GPBP1L1: variants seen among roughly 807,000 people sequenced by gnomAD.
GPBP1L1 encodes vasculin-like protein 1.
A neutral mutation model predicts 52.5 loss-of-function variants in GPBP1L1; 23 were observed. That is an observed-to-expected ratio of 0.44 (90% CI 0.32 to 0.62). The LOEUF (loss-of-function observed/expected upper bound fraction) is 0.62. Ranked by LOEUF, GPBP1L1 falls within the 20% of genes least tolerant of loss-of-function variation. GPBP1L1 has a pLI of 0.06. For missense variants in GPBP1L1, 596 were observed against 579.3 expected (o/e 1.03, Z -0.30); for synonymous variants, 243 against 203.1 (o/e 1.20, Z -1.67).
intron 6 of GPBP1L1, among the ~76,000 whole-genome samples, chr1:45,644,724 C>T (rs115775244): frequency 0.028 from 4,281 of 152,208 alleles, 204 homozygotes; most frequent in African/African-American, 0.098. Context: ...TGTATTCTTC[C>T]ATTAGGAGAC....
intron 6 of GPBP1L1, among the ~76,000 whole-genome samples, chr1:45,653,776 G>A (rs1207360629): frequency 6.8e-5 from 10 of 146,664 alleles, no homozygotes; most frequent in Non-Finnish European, 1.5e-4. Context: ...TCAGCCCACT[G>A]CAACCTCTGC....
chr1:45,660,413 G>A lies in GPBP1L1; in HGVS notation c.-285C>T, dbSNP rs952145871. 17 of 979,006 alleles carry A rather than the reference G, an allele frequency of 1.7e-5. No homozygotes were observed. The highest frequency in any genetic ancestry group is 2.1e-5 in the Non-Finnish European group (17 of 824,440). The allele number at this position is 979,006 out of a possible 1,614,324, so 60.6% of individuals were successfully genotyped here. On this transcript the variant is annotated 5_prime_UTR_variant, in exon 3 of 13. Transcript: ENST00000355105. ...TCCAAAAGGGGAAAGGGGAAAAGGG[G>A]AAGGGGGGAAGGGGAACATAAAAAG...
rs151178634 is a variant in GPBP1L1, at chr1:45,643,046, G to A, written c.478-547C>T. Reference sequence around the variant, plus strand: ...GTTAAGTACAATAAAAGGTTACAAGGACGATGAAAAAAATTCATATTAGGG... The same window carrying A: ...GTTAAGTACAATAAAAGGTTACAAGAACGATGAAAAAAATTCATATTAGGG... On this transcript the variant is annotated intron_variant, in intron 6 of 12. Transcript: ENST00000355105. 3.9e-3 allele frequency among the ~76,000 whole-genome samples: 600 copies of A among 152,178 alleles called. 7 individuals are homozygous for A. Among genetic ancestry groups the A allele is most frequent in the African/African-American group, 0.013 (551 of 41,532 alleles).
chr1:45,650,535 T>C (rs1157305332), intron 6 of GPBP1L1, among the ~76,000 whole-genome samples: 1 of 152,164 alleles, frequency 6.6e-6, no homozygotes, highest in Non-Finnish European at 1.5e-5. Flanking sequence ...CAGGTAACAA[T>C]ATAGGACTGT....
chr1:45,662,317 C>G (rs956900927), intron 2 of GPBP1L1, among the ~76,000 whole-genome samples: 1 of 152,088 alleles, frequency 6.6e-6, no homozygotes, highest in Non-Finnish European at 1.5e-5. Flanking sequence ...AATTAAAAAA[C>G]ATTTTTTTGT....
intron 2 of GPBP1L1, among the ~76,000 whole-genome samples, chr1:45,667,969 C>T (rs1645030135): frequency 6.6e-6 from 1 of 152,122 alleles, no homozygotes; most frequent in Non-Finnish European, 1.5e-5. Flanking sequence ...CAACTCCTGG[C>T]CTCAAGTGAT....
intron 6 of GPBP1L1, among the ~76,000 whole-genome samples, chr1:45,647,564 G>A (rs1224001070): frequency 6.6e-6 from 1 of 152,192 alleles, no homozygotes; most frequent in East Asian, 1.9e-4. Flanking sequence ...ACTTCTGCCA[G>A]CGGAGAACAA....
At position 45,660,438 on chromosome 1, in the gene GPBP1L1, G is replaced by GT; in HGVS notation, c.-311dup. The GT allele has an allele frequency of 1.0e-6, 1 of 976,950 alleles. No individual in the cohort carries two copies. The highest frequency in any genetic ancestry group is 6.2e-5 in the Admixed American group (1 of 16,062). 60.5% of individuals were successfully genotyped at this position (976,950 alleles called of 1,614,324 possible). A position where few individuals can be genotyped will look rare whatever the true frequency, so the allele number is the denominator to read the frequency against. On this transcript the variant is annotated 5_prime_UTR_variant, in exon 3 of 13. Coordinates refer to ENST00000355105, the MANE Select transcript of GPBP1L1 (RefSeq NM_021639.5). ...GAAGGGGGGAAGGGGAACATAAAAA[G>GT]TATTTGTTACATTTAAAAAGGGGGG...
At chr1:45,672,209 A>G (rs900387141) in intron 2 of GPBP1L1, among the ~76,000 whole-genome samples, 2 of 152,078 alleles carry the variant, frequency 1.3e-5, no homozygotes, top group African/African-American at 4.8e-5. Context: ...AAAAATAAAA[A>G]AATTAGCTGG....
At chr1:45,658,121 A>C (rs761243150) in intron 4 of GPBP1L1, among the ~76,000 whole-genome samples, 13 of 152,158 alleles carry the variant, frequency 8.5e-5, no homozygotes, top group African/African-American at 3.1e-4. Context: ...TAATCTATAT[A>C]AACTGGTAAT....
chr1:45,634,461 C>A (rs1569759194), intron 8 of GPBP1L1: 2 of 396,728 alleles, frequency 5.0e-6, no homozygotes, highest in East Asian at 7.2e-5. Context: ...TAGTGACTTC[C>A]CAAAAACAGG....
intron 6 of GPBP1L1, among the ~76,000 whole-genome samples, chr1:45,648,663 G>A (rs1042427572): frequency 1.3e-5 from 2 of 152,144 alleles, no homozygotes; most frequent in Admixed American, 6.5e-5. Flanking sequence ...TTGCTTTGAC[G>A]TAGATGGCAT....
intron 2 of GPBP1L1, among the ~76,000 whole-genome samples, chr1:45,683,256 A>G (rs1272084274): frequency 9.0e-6 from 1 of 111,188 alleles, no homozygotes; most frequent in Non-Finnish European, 1.6e-5. Flanking sequence ...CTCTGTCCCC[A>G]GGTTGGAGCG....
At chr1:45,657,886 A>G (rs1238611760) in intron 4 of GPBP1L1, among the ~76,000 whole-genome samples, 1 of 152,188 alleles carries the variant, frequency 6.6e-6, no homozygotes, top group Non-Finnish European at 1.5e-5. Flanking sequence ...AACAAAATGA[A>G]GTTTAGAGCA....
intron 2 of GPBP1L1, among the ~76,000 whole-genome samples, chr1:45,680,219 A>G (rs1036307296): frequency 6.6e-6 from 1 of 151,488 alleles, no homozygotes; most frequent in Non-Finnish European, 1.5e-5. Context: ...AGTAGTGACT[A>G]ACAGATTGAG....
At chr1:45,658,316 G>A (rs1327125989) in intron 4 of GPBP1L1, among the ~76,000 whole-genome samples, 1 of 152,100 alleles carries the variant, frequency 6.6e-6, no homozygotes, top group African/African-American at 2.4e-5. Flanking sequence ...CCAAAGGTCT[G>A]TTTACCCAAG....
At chr1:45,669,175 C>A (rs1396598073) in intron 2 of GPBP1L1, among the ~76,000 whole-genome samples, 1 of 152,138 alleles carries the variant, frequency 6.6e-6, no homozygotes. Context: ...ATTATTCTTT[C>A]TTTTTTTGGA....
chr1:45,675,422 G>A (rs1275642442), intron 2 of GPBP1L1, among the ~76,000 whole-genome samples: 1 of 152,202 alleles, frequency 6.6e-6, no homozygotes, highest in East Asian at 1.9e-4. Context: ...ACACTTGGTA[G>A]GGATTAATAG....
intron 9 of GPBP1L1, chr1:45,633,889 T>C (rs1051544319): frequency 2.0e-5 from 13 of 663,640 alleles, no homozygotes; most frequent in Middle Eastern, 4.2e-4. Context: ...CAGTCTAACA[T>C]AGGATGACCT....
Sources: allele counts gnomAD v4.1 joint callset (sites outside exome capture counted in the v4.1 genomes callset), GRCh38; gene constraint gnomAD v4.1.1; transcripts MANE v1.5; gene names NCBI Gene and HGNC (gene_info 2026-07-23, HGNC 2026-07-21).